POLA2: variants seen among roughly 807,000 people sequenced by gnomAD.
POLA2 encodes DNA polymerase alpha 2, accessory subunit.
A neutral mutation model predicts 82.8 loss-of-function variants in POLA2; 47 were observed. The ratio of observed to expected loss-of-function variants is 0.57; its 90% confidence interval spans 0.45 to 0.72. The LOEUF is 0.72. POLA2 is among the 30% of genes least tolerant of loss of function. The probability of loss-of-function intolerance (pLI) is 0.00; values close to 1 mark genes in which losing one functional copy is unlikely to be tolerated. For synonymous variants in POLA2, 287 were observed against 286.8 expected (o/e 1.00, Z -0.01); for missense variants, 634 against 728.1 (o/e 0.87, Z 1.49).
At chr11:65,266,895 A>AT (rs1241620832) in intron 2 of POLA2, among the ~76,000 whole-genome samples, 189 bp downstream of exon 2, 1 of 152,060 alleles carries the variant, frequency 6.6e-6, no homozygotes, top group Non-Finnish European at 1.5e-5. Flanking sequence ...AATAATCTGT[A>AT]TTTTTTATGA....
Position 65,289,783 on chromosome 11 carries a change from CT to C in POLA2, c.1171-13del. 6.4e-7 allele frequency: 1 copy of C among 1,569,486 alleles called. No homozygotes were observed. Among genetic ancestry groups the C allele is most frequent in the Non-Finnish European group, 8.8e-7 (1 of 1,139,928 alleles). On this transcript the variant is annotated splice_polypyrimidine_tract_variant and intron_variant, in intron 12 of 17. Coordinates refer to ENST00000265465, the MANE Select transcript of POLA2 (RefSeq NM_002689.4). The stretch of plus-strand genomic sequence containing the variant: ...AACATCTGCCGTCTAAATCTGTCTC[CT>C]TTCCTTTCTTGCAGAATTGTCTACT...
In POLA2 at chr11:65,281,064, G is replaced by A. The variant is rs147424510; in HGVS notation, c.817G>A (p.Glu273Lys). The change falls in exon 8 of 18, where the codon GAG (glutamate) becomes AAG (lysine). Residue 273 changes from glutamate to lysine, a missense_variant. Coordinates refer to ENST00000265465, the MANE Select transcript of POLA2 (RefSeq NM_002689.4). ...GCTGAACAACAAGTCAGTGATTCTC[G>A]AGGGAGACCGGGAACATTCCTCGGG... ...GKLNNKSVIL[E>K]GDREHSSGAQ... 7.8e-5 allele frequency: 126 copies of A among 1,614,016 alleles called. No individual in the cohort carries two copies. The highest frequency in any genetic ancestry group is 1.6e-4 in the African/African-American group (12 of 74,912).
In POLA2 at chr11:65,285,191, G is replaced by A. The variant is rs569832256; in HGVS notation, c.1007-2525G>A. Among the ~76,000 whole-genome samples the A allele has an allele frequency of 2.0e-5, 3 of 152,108 alleles. No homozygotes were observed. The South Asian group carries it at 6.2e-4, about 32-fold the overall frequency. ...GAGGCCGAGGTGGGCGGATCACACG[G>A]TCAGGAGATAGAGACCATTCTGGCC... On this transcript the variant is annotated intron_variant, in intron 10 of 17. Transcript: ENST00000265465.
intron 13 of POLA2, among the ~76,000 whole-genome samples, chr11:65,293,771 G>T (rs921897529): frequency 2.6e-5 from 4 of 152,208 alleles, no homozygotes; most frequent in African/African-American, 9.6e-5. Flanking sequence ...TCCAAGCTGT[G>T]GTTTAAACTC....
intron 1 of POLA2, among the ~76,000 whole-genome samples, chr11:65,262,968 T>C (rs1206814390): frequency 6.6e-6 from 1 of 152,156 alleles, no homozygotes; most frequent in Non-Finnish European, 1.5e-5. Context: ...GTGTCCTGCC[T>C]TGGAGTCCCG....
At chr11:65,266,111 A>G (rs1331103880) in intron 1 of POLA2, among the ~76,000 whole-genome samples, 1 of 152,136 alleles carries the variant, frequency 6.6e-6, no homozygotes, top group Non-Finnish European at 1.5e-5. Context: ...TCCTCAGAGT[A>G]GTTCCTCTGG....
intron 17 of POLA2, chr11:65,296,231 GACT>G (rs1286371921): frequency 4.5e-6 from 2 of 441,456 alleles, no homozygotes; most frequent in Non-Finnish European, 8.5e-6. Context: ...GAGCCCAGAT[GACT>G]AGGAAGGCCC....
In POLA2 at chr11:65,265,240, G is replaced by T. The variant is rs114778641; in HGVS notation, c.80-1342G>T. On this transcript the variant is annotated intron_variant, in intron 1 of 17. Transcript: ENST00000265465. Reference sequence around the variant, plus strand: ...GCAACTCTGTCTCCAAAAAAAAAAGGGGGGGGGCCTTGCCATCTTTAAATA... The same window carrying T: ...GCAACTCTGTCTCCAAAAAAAAAAGTGGGGGGGCCTTGCCATCTTTAAATA... Among the ~76,000 whole-genome samples, 1,069 of 151,200 alleles carry T rather than the reference G, an allele frequency of 7.1e-3. 14 individuals carry two copies. Among genetic ancestry groups the T allele is most frequent in the African/African-American group, 0.025 (1,024 of 41,166 alleles).
intron 13 of POLA2, among the ~76,000 whole-genome samples, chr11:65,290,849 T>C (rs1949747493): frequency 6.6e-6 from 1 of 152,256 alleles, no homozygotes; most frequent in African/African-American, 2.4e-5. Context: ...AGTGATTGTA[T>C]TGGGTAAGCC....
downstream of POLA2, among the ~76,000 whole-genome samples, chr11:65,301,322 C>T (rs1291059718): frequency 1.3e-5 from 2 of 152,134 alleles, no homozygotes; most frequent in Non-Finnish European, 2.9e-5. Context: ...AAGGGTTTGC[C>T]TCCCACCCCC....
intron 5 of POLA2, 50 bp downstream of exon 5, chr11:65,276,048 T>C (rs768530926): frequency 1.0e-6 from 1 of 995,506 alleles, no homozygotes; most frequent in South Asian, 1.6e-5. Context: ...TCCCCTCCCC[T>C]TTCTCTGGCT....
downstream of POLA2, among the ~76,000 whole-genome samples, chr11:65,303,440 T>C (rs1288419173): frequency 6.6e-6 from 1 of 151,948 alleles, no homozygotes; most frequent in African/African-American, 2.4e-5. Context: ...GAAGATCACT[T>C]GAGCCCAGGC....
intron 10 of POLA2, among the ~76,000 whole-genome samples, chr11:65,284,423 A>C (rs932874754): frequency 5.1e-4 from 77 of 152,222 alleles, no homozygotes; most frequent in African/African-American, 1.8e-3. Flanking sequence ...TCAAGGCTGC[A>C]GTGAGCCATG....
chr11:65,272,245 G>A (rs995767107), intron 4 of POLA2, among the ~76,000 whole-genome samples: 1 of 152,148 alleles, frequency 6.6e-6, no homozygotes, highest in East Asian at 1.9e-4. Flanking sequence ...GGAGGCGGAG[G>A]TTGCAGTGAG....
chr11:65,268,756 A>G, intron 4 of POLA2, 27 bp downstream of exon 4: 5 of 1,424,794 alleles, frequency 3.5e-6, no homozygotes, highest in Non-Finnish European at 4.8e-6. Context: ...TGGACATTGC[A>G]TTTTACAAGT....
chr11:65,301,984 G>C (rs1183004751), downstream of POLA2, among the ~76,000 whole-genome samples: 1 of 152,110 alleles, frequency 6.6e-6, no homozygotes, highest in Admixed American at 6.6e-5. Context: ...CCTCCATCCT[G>C]CCCCGCCTCT....
downstream of POLA2, among the ~76,000 whole-genome samples, chr11:65,302,414 G>C (rs1439499049): frequency 1.3e-5 from 2 of 152,106 alleles, no homozygotes; most frequent in East Asian, 1.9e-4. Flanking sequence ...ACAGGGTGGG[G>C]ACCCTGCCCT....
chr11:65,272,002 G>A (rs1470306170), intron 4 of POLA2, among the ~76,000 whole-genome samples: 1 of 151,866 alleles, frequency 6.6e-6, no homozygotes, highest in Non-Finnish European at 1.5e-5. Context: ...TGCATCAATG[G>A]CAGCATGATA....
chr11:65,266,122 C>G (rs1390051958), intron 1 of POLA2, among the ~76,000 whole-genome samples: 1 of 152,200 alleles, frequency 6.6e-6, no homozygotes, highest in Non-Finnish European at 1.5e-5. Flanking sequence ...GTTCCTCTGG[C>G]TCTTTTCCCC....
Sources: gnomAD v4.1 joint callset for allele counts (sites outside exome capture counted in the v4.1 genomes callset) on GRCh38, gnomAD v4.1.1 for gene constraint, MANE v1.5 for transcripts, NCBI Gene and HGNC (gene_info 2026-07-23, HGNC 2026-07-21) for gene names.